Variants in CDH2 observed in about 807,000 individuals in gnomAD.
The protein encoded by CDH2 is cadherin-2.
Under a neutral mutation model 92.0 loss-of-function variants are expected in CDH2, and 17 were observed. The observed-to-expected ratio is 0.18, with a 90% CI of 0.13 to 0.28. The LOEUF (loss-of-function observed/expected upper bound fraction) is 0.28, where lower values mean the gene tolerates loss of function less well. Ranked by LOEUF, CDH2 falls within the 10% of genes least tolerant of loss-of-function variation. The pLI is 1.00. For missense variants in CDH2, 862 were observed against 1,133.1 expected, an observed-to-expected ratio of 0.76 and a Z score of 3.44; for synonymous variants, 419 against 415.9, an observed-to-expected ratio of 1.01 and a Z score of -0.09.
At chr18:27,979,021 T>C (rs2011948788) in intron 14 of CDH2, among the ~76,000 whole-genome samples, 1 of 151,198 alleles carries the variant, frequency 6.6e-6, no homozygotes, top group Non-Finnish European at 1.5e-5. Context: ...CTGGACAACA[T>C]AAAAAATAAT....
At chr18:28,151,489 G>C (rs911131012) in intron 1 of CDH2, among the ~76,000 whole-genome samples, 1 of 152,216 alleles carries the variant, frequency 6.6e-6, no homozygotes, top group Admixed American at 6.5e-5. Context: ...CCAAGGTTAA[G>C]AAAACCTGTT....
At chr18:28,003,938 T>C (rs759868976) in intron 6 of CDH2, among the ~76,000 whole-genome samples, 2 of 152,342 alleles carry the variant, frequency 1.3e-5, no homozygotes, top group Admixed American at 6.5e-5. Flanking sequence ...GACTGAATTA[T>C]GAAATGTTTA....
chr18:28,005,593 A>G (rs911246417), intron 6 of CDH2, among the ~76,000 whole-genome samples: 7 of 152,234 alleles, frequency 4.6e-5, no homozygotes, highest in African/African-American at 1.7e-4. Context: ...TCCACAGGAC[A>G]GAATCAAATA....
intron 6 of CDH2, among the ~76,000 whole-genome samples, chr18:28,004,240 T>C (rs945063259): frequency 4.6e-5 from 7 of 152,230 alleles, no homozygotes; most frequent in African/African-American, 1.7e-4. Context: ...GGAACTAGCT[T>C]GTCACCACTG....
At chr18:28,096,386 T>A (rs894438714) in intron 2 of CDH2, among the ~76,000 whole-genome samples, 4 of 150,610 alleles carry the variant, frequency 2.7e-5, no homozygotes, top group African/African-American at 9.7e-5. Context: ...TGCCATTTTA[T>A]GGCTGCCAAG....
intron 6 of CDH2, among the ~76,000 whole-genome samples, chr18:28,003,410 T>G (rs2012827129): frequency 6.6e-6 from 1 of 152,180 alleles, no homozygotes; most frequent in Non-Finnish European, 1.5e-5. Flanking sequence ...AAAACTCAAT[T>G]TTTCCATAAC....
chr18:27,990,552 T>G (rs963918836), intron 9 of CDH2, among the ~76,000 whole-genome samples: 11 of 152,344 alleles, frequency 7.2e-5, no homozygotes, highest in African/African-American at 2.6e-4. Flanking sequence ...ATTATAAATC[T>G]TGAGTACTTA....
intron 14 of CDH2, among the ~76,000 whole-genome samples, chr18:27,982,293 G>A (rs2012080646): frequency 6.6e-6 from 1 of 152,152 alleles, no homozygotes; most frequent in Non-Finnish European, 1.5e-5. Flanking sequence ...CATCCTTGAA[G>A]AGGTATGCAA....
chr18:28,160,064 C>A (rs2016283150), intron 1 of CDH2, among the ~76,000 whole-genome samples: 1 of 152,054 alleles, frequency 6.6e-6, no homozygotes, highest in South Asian at 2.1e-4. Flanking sequence ...AATTTCTAAA[C>A]CACAGAGTAT....
chr18:28,072,399 C>G (rs559857599), intron 2 of CDH2, among the ~76,000 whole-genome samples: 176 of 152,278 alleles, frequency 1.2e-3, no homozygotes, highest in African/African-American at 4.0e-3. Context: ...CTCTTCAGTG[C>G]CTCCTATCCC....
At chr18:28,157,043 G>C (rs1006721738) in intron 1 of CDH2, among the ~76,000 whole-genome samples, 6 of 152,174 alleles carry the variant, frequency 3.9e-5, no homozygotes, top group Non-Finnish European at 5.9e-5. Flanking sequence ...TAATGTAACA[G>C]GTAGTAACAA....
chr18:27,948,960 T>C (rs1050504194), downstream of CDH2, among the ~76,000 whole-genome samples: 15 of 151,906 alleles, frequency 9.9e-5, no homozygotes, highest in Admixed American at 9.2e-4. Context: ...TTATTAGCAA[T>C]ATTGCAGAAG....
chr18:28,013,915 A>G lies in CDH2; in HGVS notation c.173-6T>C. On this transcript the variant is annotated splice_polypyrimidine_tract_variant and splice_region_variant and intron_variant, in intron 2 of 15. Coordinates refer to ENST00000269141, the MANE Select transcript of CDH2 (RefSeq NM_001792.5). ...ATTGCAGTTGCTAAACTTCACTGTA[A>G]AAGATAAGAAATAGGTCAGTTATTA... The G allele has an allele frequency of 3.1e-6, 5 of 1,603,834 alleles. No homozygotes were observed. Among genetic ancestry groups the G allele is most frequent in the Non-Finnish European group, 4.3e-6 (5 of 1,174,476 alleles).
intron 1 of CDH2, among the ~76,000 whole-genome samples, chr18:28,169,141 G>A (rs2016428002): frequency 6.6e-6 from 1 of 152,038 alleles, no homozygotes; most frequent in South Asian, 2.1e-4. Context: ...ACAGACATTG[G>A]CTTGAAAAAC....
rs1228402305 is a variant in CDH2, at chr18:27,988,557, T to C, written c.1708A>G (p.Ile570Val). The C allele has an allele frequency of 1.9e-6, 3 of 1,613,148 alleles. No individual in the cohort carries two copies. The highest frequency in any genetic ancestry group is 3.3e-5 in the Admixed American group (2 of 59,994). ...DRESPNVKNNIYNATFLASDN... is the reference protein window; with the variant it reads ...DRESPNVKNNVYNATFLASDN... ...GAAGCAAGGAAAGTAGCATTATATATATTGTTTTTCACATTTGGTGATTCT... is the reference window on the plus strand; with the variant it reads ...GAAGCAAGGAAAGTAGCATTATATACATTGTTTTTCACATTTGGTGATTCT... Residue 570 changes from isoleucine to valine, a missense_variant, in exon 11 of 16, where the codon ATA becomes GTA. By Grantham distance (29) the Ile-to-Val change is conservative. This residue lies in a region of CDH2 where 564 missense variants were observed against 722.2 expected (regional missense o/e 0.78). Coordinates refer to ENST00000269141, the MANE Select transcript of CDH2 (RefSeq NM_001792.5).
At chr18:28,158,293 T>G (rs1420305981) in intron 1 of CDH2, among the ~76,000 whole-genome samples, 4 of 152,202 alleles carry the variant, frequency 2.6e-5, no homozygotes, top group African/African-American at 7.2e-5. Context: ...GAACTTATTC[T>G]GGAAGCAGCA....
chr18:28,117,146 A>C (rs944847780), intron 2 of CDH2, among the ~76,000 whole-genome samples: 1 of 152,136 alleles, frequency 6.6e-6, no homozygotes, highest in African/African-American at 2.4e-5. Context: ...TGCTGCCACA[A>C]AAAGGGGATG....
At chr18:28,170,941 A>G (rs1268312767) in intron 1 of CDH2, among the ~76,000 whole-genome samples, 2 of 150,064 alleles carry the variant, frequency 1.3e-5, no homozygotes, top group African/African-American at 4.9e-5. Context: ...AAAAAAAACT[A>G]GAGGAGGCCA....
At chr18:27,953,786 T>C (rs1385574973) in intron 15 of CDH2, among the ~76,000 whole-genome samples, 1 of 152,118 alleles carries the variant, frequency 6.6e-6, no homozygotes, top group African/African-American at 2.4e-5. Flanking sequence ...AGGACTATTA[T>C]AAAGACCAAA....
Sources: allele counts gnomAD v4.1 joint callset (sites outside exome capture counted in the v4.1 genomes callset), GRCh38; gene constraint gnomAD v4.1.1; regional missense constraint gnomAD v4.1.1; transcripts MANE v1.5; gene names NCBI Gene and HGNC (gene_info 2026-07-23, HGNC 2026-07-21).